ZC3H12A: variants seen among roughly 807,000 people sequenced by gnomAD.
ZC3H12A encodes the protein zinc finger CCCH-type containing 12A, also known as endoribonuclease ZC3H12A.
In ZC3H12A, 9 loss-of-function variants were observed where a neutral mutation model predicts 29.9. That is an observed-to-expected ratio of 0.30 (90% CI 0.18 to 0.53). The LOEUF (loss-of-function observed/expected upper bound fraction) is 0.53, where lower values mean the gene tolerates loss of function less well. ZC3H12A is among the 20% of genes least tolerant of loss of function. The probability of loss-of-function intolerance (pLI) is 0.96; values close to 1 mark genes in which losing one functional copy is unlikely to be tolerated. For missense variants in ZC3H12A, 617 were observed against 799.0 expected (o/e 0.77, Z 2.75); for synonymous variants, 323 against 338.1 (o/e 0.96, Z 0.49).
chr1:37,479,871 C>T lies in ZC3H12A; in HGVS notation c.444-419C>T, dbSNP rs1007518786. Reference sequence around the variant, plus strand: ...ACATCTGTCCCTGTGGTCCCGGCAGCTCGCCGGGTGGGGCAGGAACCAGAA... The same window carrying T: ...ACATCTGTCCCTGTGGTCCCGGCAGTTCGCCGGGTGGGGCAGGAACCAGAA... On this transcript the variant is annotated intron_variant, in intron 2 of 5. Coordinates refer to ENST00000373087, the MANE Select transcript of ZC3H12A (RefSeq NM_025079.3). The surrounding 1 kb of genome is among the most constrained non-coding windows in gnomAD (Gnocchi z 4.5). The T allele has an allele frequency of 5.0e-6, 5 of 1,005,208 alleles. No individual in the cohort carries two copies. Among genetic ancestry groups the T allele is most frequent in the Admixed American group, 5.5e-5 (1 of 18,110 alleles). The allele number at this position is 1,005,208 out of a possible 1,614,324, so 62.3% of individuals were successfully genotyped here. A position where few individuals can be genotyped will look rare whatever the true frequency, so the allele number is the denominator to read the frequency against.
chr1:37,477,130 T>G (rs1443877180), intron 2 of ZC3H12A, among the ~76,000 whole-genome samples: 2 of 152,188 alleles, frequency 1.3e-5, no homozygotes, highest in Non-Finnish European at 2.9e-5. Flanking sequence ...CCAGTTTCCA[T>G]GCCAAGAGGC....
rs904794869 is a variant in ZC3H12A at position 37,484,035 on chromosome 1, G to A, written c.*424G>A. On this transcript the variant is annotated 3_prime_UTR_variant, in exon 6 of 6. Coordinates refer to ENST00000373087, the MANE Select transcript of ZC3H12A (RefSeq NM_025079.3). ...GGACGTTGGCCTTGGCTGGCTAGTTGGGCACCGTGTGCCTGCCCTCCAAGG... is the reference window on the plus strand; with the variant it reads ...GGACGTTGGCCTTGGCTGGCTAGTTAGGCACCGTGTGCCTGCCCTCCAAGG... 11 of 172,952 alleles carry A rather than the reference G, an allele frequency of 6.4e-5. No homozygotes were observed. Among genetic ancestry groups the A allele is most frequent in the Non-Finnish European group, 1.1e-4 (9 of 80,444 alleles). The allele number at this position is 172,952 out of a possible 1,614,324, so 10.7% of individuals were successfully genotyped here.
At chr1:37,481,547 G>A in intron 3 of ZC3H12A, 54 bp from the exon 4 acceptor site, 1 of 1,585,036 alleles carries the variant, frequency 6.3e-7, no homozygotes, top group Non-Finnish European at 8.7e-7. Flanking sequence ...AGCCCTGTAG[G>A]CCTGGCTCTA....
chr1:37,475,433 C>T lies in ZC3H12A; in HGVS notation c.-38-26C>T, dbSNP rs1055193925. On this transcript the variant is annotated intron_variant, in intron 1 of 5. Transcript: ENST00000373087. The surrounding 1 kb of genome is among the most constrained non-coding windows in gnomAD (Gnocchi z 5.2). ...GAGGTTAGGAGAGAGCGCTATTCAC[C>T]GTCCCTAACCCTGTTGGTTGTTCAG... is the stretch of plus-strand genomic sequence containing the variant. The T allele has an allele frequency of 6.6e-6, 10 of 1,515,258 alleles. No homozygotes were observed. The African/African-American group carries it at 8.3e-5, about 13-fold the overall frequency. The allele number at this position is 1,515,258 out of a possible 1,614,324, so 93.9% of individuals were successfully genotyped here.
chr1:37,482,952 C>G lies in ZC3H12A; in HGVS notation c.1141C>G (p.Leu381Val). 6.2e-7 allele frequency: 1 copy of G among 1,613,102 alleles called. No homozygotes were observed. Reference sequence around the variant, plus strand: ...GCAGTGCAGCCTGGATGGGAAGAAGCTGGGGGCCCAGGCATCCCCAGGGTC... The same window carrying G: ...GCAGTGCAGCCTGGATGGGAAGAAGGTGGGGGCCCAGGCATCCCCAGGGTC... ...SEQCSLDGKK[L>V]GAQASPGSRQ... The change falls in exon 6 of 6, where the codon CTG becomes GTG. Residue 381 changes from leucine to valine, a missense_variant. Physicochemically the swap from Leu to Val is conservative, Grantham distance 32. Transcript: ENST00000373087.
chr1:37,475,784 C>T lies in ZC3H12A; in HGVS notation c.288C>T (p.Arg96=). 6.2e-7 allele frequency: 1 copy of T among 1,613,196 alleles called. No homozygotes were observed. The highest frequency in any genetic ancestry group is 8.5e-7 in the Non-Finnish European group (1 of 1,179,606). ...VKHGTATERE[R]QTSPDPCPQL... is the part of the protein sequence containing the mutation. ...ACGGGACAGCCACCGAGCGGGAGCG[C>T]CAGACCTCACCGGACCCCTGCCCTC... Residue 96 remains arginine (R), a synonymous_variant, in exon 2 of 6, where the codon CGC becomes CGT. Coordinates refer to ENST00000373087, the MANE Select transcript of ZC3H12A (RefSeq NM_025079.3). The surrounding 1 kb of genome is among the most constrained non-coding windows in gnomAD (Gnocchi z 5.2).
In ZC3H12A at chr1:37,475,438, C is replaced by T. The variant is rs962768692; in HGVS notation, c.-38-21C>T. The T allele has an allele frequency of 4.6e-6, 7 of 1,536,588 alleles. No individual in the cohort carries two copies. Among genetic ancestry groups the T allele is most frequent in the Non-Finnish European group, 1.8e-6 (2 of 1,141,344 alleles). ...TAGGAGAGAGCGCTATTCACCGTCC[C>T]TAACCCTGTTGGTTGTTCAGTAGGA... On this transcript the variant is annotated intron_variant, in intron 1 of 5. Coordinates refer to ENST00000373087, the MANE Select transcript of ZC3H12A (RefSeq NM_025079.3). The surrounding 1 kb of genome is among the most constrained non-coding windows in gnomAD (Gnocchi z 5.2).
At chr1:37,482,236 C>A (rs1641723962) in intron 4 of ZC3H12A, 198 bp from the exon 5 acceptor site, 10 of 603,550 alleles carry the variant, frequency 1.7e-5, no homozygotes, top group Non-Finnish European at 2.9e-5. Context: ...TGGGCTGTGG[C>A]CCTCTAGACC....
chr1:37,475,733 C>G lies in ZC3H12A; in HGVS notation c.237C>G (p.Asn79Lys). The change falls in exon 2 of 6, where the codon AAC (asparagine) becomes AAG (lysine). Residue 79 changes from asparagine (N) to lysine (K), a missense_variant. By Grantham distance (94) the Asn-to-Lys change is moderately conservative. Coordinates refer to ENST00000373087, the MANE Select transcript of ZC3H12A (RefSeq NM_025079.3). This position sits in a 1 kb window ranked among gnomAD's most constrained non-coding sequence, Gnocchi z 5.2. ...LQKLGVQADT[N>K]TVLGELVKHG... is the part of the protein sequence containing the mutation. ...AGCTGGGCGTCCAGGCAGACACCAACACGGTGCTGGGTGAGCTGGTGAAAC... is the reference window on the plus strand; with the variant it reads ...AGCTGGGCGTCCAGGCAGACACCAAGACGGTGCTGGGTGAGCTGGTGAAAC... 6.2e-7 allele frequency: 1 copy of G among 1,614,026 alleles called. No individual in the cohort carries two copies. Among genetic ancestry groups the G allele is most frequent in the Non-Finnish European group, 8.5e-7 (1 of 1,180,050 alleles).
rs1009404628 is a variant in ZC3H12A at position 37,484,266 on chromosome 1, T to C, written c.*655T>C. On this transcript the variant is annotated 3_prime_UTR_variant, in exon 6 of 6. Coordinates refer to ENST00000373087, the MANE Select transcript of ZC3H12A (RefSeq NM_025079.3). ...GAGTCATCTCGCCCTTCCCCATGGG[T>C]GGGGGAACCTGTGTTTGTTTGTGTG... The C allele has an allele frequency of 6.6e-6, 1 of 152,244 alleles. No homozygotes were observed. Among genetic ancestry groups the C allele is most frequent in the African/African-American group, 2.4e-5 (1 of 41,432 alleles). The allele number at this position is 152,244 out of a possible 1,614,324, so 9.4% of individuals were successfully genotyped here. A position where few individuals can be genotyped will look rare whatever the true frequency, so the allele number is the denominator to read the frequency against.
intron 3 of ZC3H12A, 74 bp from the exon 4 acceptor site, chr1:37,481,527 C>G: frequency 6.9e-7 from 1 of 1,457,852 alleles, no homozygotes; most frequent in Non-Finnish European, 9.6e-7. Flanking sequence ...TGGCCATCAG[C>G]AGGTTAGGGA....
chr1:37,474,663 G>A (rs1641541350), intron 1 of ZC3H12A, 34 bp downstream of exon 1: 1 of 151,794 alleles, frequency 6.6e-6, no homozygotes, highest in Non-Finnish European at 1.5e-5. Flanking sequence ...GGGCCTCGGC[G>A]GGGAAGCGGC....
At position 37,476,060 on chromosome 1, in the gene ZC3H12A, G is replaced by A. The variant is rs1641583312; in HGVS notation, c.443+121G>A. ...CTGGAAGAAGTGACTTCCTTCTTAG[G>A]GACTGGTCTAGAGGGAGGGAAAGCC... On this transcript the variant is annotated intron_variant, in intron 2 of 5. Transcript: ENST00000373087. This position sits in a 1 kb window ranked among gnomAD's most constrained non-coding sequence, Gnocchi z 6.0. 8.9e-7 allele frequency: 1 copy of A among 1,117,512 alleles called. No individual in the cohort carries two copies. The highest frequency in any genetic ancestry group is 1.2e-6 in the Non-Finnish European group (1 of 814,288). The allele number at this position is 1,117,512 out of a possible 1,614,324, so 69.2% of individuals were successfully genotyped here. A position where few individuals can be genotyped will look rare whatever the true frequency, so the allele number is the denominator to read the frequency against.
rs1236483008 is a variant in ZC3H12A at position 37,479,479 on chromosome 1, A to G, written c.444-811A>G. On this transcript the variant is annotated intron_variant, in intron 2 of 5. Transcript: ENST00000373087. This position sits in a 1 kb window ranked among gnomAD's most constrained non-coding sequence, Gnocchi z 4.5. ...CTCGTCTGAGACCAAGGCAGGGCCC[A>G]TGCCTTACTCAGCTGTCCTTGCTAA... The G allele has an allele frequency of 3.0e-6, 3 of 985,302 alleles. No homozygotes were observed. The highest frequency in any genetic ancestry group is 3.6e-6 in the Non-Finnish European group (3 of 829,936). 61.0% of individuals were successfully genotyped at this position (985,302 alleles called of 1,614,324 possible).
chr1:37,480,795 G>A (rs1641685812), intron 3 of ZC3H12A, among the ~76,000 whole-genome samples: 1 of 152,002 alleles, frequency 6.6e-6, no homozygotes, highest in African/African-American at 2.4e-5. Flanking sequence ...CCTGGACAGG[G>A]ACCCCTCTTA....
Position 37,475,308 on chromosome 1 carries a change from C to G in ZC3H12A, c.-38-151C>G, listed in dbSNP as rs1199493949. On this transcript the variant is annotated intron_variant, in intron 1 of 5. Transcript: ENST00000373087. The surrounding 1 kb of genome is among the most constrained non-coding windows in gnomAD (Gnocchi z 5.2). ...CCTTTATAGAATGGGAATGGGAATG[C>G]CTAGCTGGGAGAGCTTTTGAGAGGA... is the stretch of plus-strand genomic sequence containing the variant. Among the ~76,000 whole-genome samples, 1 of 152,232 alleles carries G rather than the reference C, an allele frequency of 6.6e-6. No homozygotes were observed. The highest frequency in any genetic ancestry group is 2.4e-5 in the African/African-American group (1 of 41,462).
Position 37,483,535 on chromosome 1 carries a change from G to A in ZC3H12A, c.1724G>A (p.Arg575His), listed in dbSNP as rs576849210. 96 of 1,613,634 alleles carry A rather than the reference G, an allele frequency of 5.9e-5. No homozygotes were observed. Among genetic ancestry groups the A allele is most frequent in the South Asian group, 5.3e-4 (48 of 91,074 alleles). Residue 575 changes from arginine to histidine, a missense_variant, in exon 6 of 6, where the codon CGC (arginine) becomes CAC (histidine). Coordinates refer to ENST00000373087, the MANE Select transcript of ZC3H12A (RefSeq NM_025079.3). ...CACCTGGTGGAGGCTGTGATGGGGC[G>A]CTTCCCACAGCTCCTGGACCCCCAG... ...PPHLVEAVMG[R>H]FPQLLDPQQL...
chr1:37,481,964 G>A (rs1557595302), intron 4 of ZC3H12A, 129 bp downstream of exon 4: 8 of 849,452 alleles, frequency 9.4e-6, no homozygotes, highest in Admixed American at 2.3e-5. Flanking sequence ...GCGGGTCTTG[G>A]CTCCAGGCAG....
At position 37,484,064 on chromosome 1, in the gene ZC3H12A, T is replaced by A. The variant is rs936136132; in HGVS notation, c.*453T>A. ...ACCGTGTGCCTGCCCTCCAAGGGCC[T>A]CCTCTACGCCAATGAGGCCTCATCT... On this transcript the variant is annotated 3_prime_UTR_variant, in exon 6 of 6. Coordinates refer to ENST00000373087, the MANE Select transcript of ZC3H12A (RefSeq NM_025079.3). 6.0e-6 allele frequency: 1 copy of A among 165,536 alleles called. No homozygotes were observed. The highest frequency in any genetic ancestry group is 2.4e-5 in the African/African-American group (1 of 41,808). The allele number at this position is 165,536 out of a possible 1,614,324, so 10.3% of individuals were successfully genotyped here. A position where few individuals can be genotyped will look rare whatever the true frequency, so the allele number is the denominator to read the frequency against.
Sources: gnomAD v4.1 joint callset for allele counts (sites outside exome capture counted in the v4.1 genomes callset) on GRCh38, gnomAD v4.1.1 for gene constraint, Gnocchi (gnomAD v3.1) non-coding constraint, MANE v1.5 for transcripts, NCBI Gene and HGNC (gene_info 2026-07-23, HGNC 2026-07-21) for gene names.